Variants in PKHD1 observed in about 807,000 individuals in gnomAD.
PKHD1 encodes the protein fibrocystin.
Under a neutral mutation model 412.0 loss-of-function variants are expected in PKHD1, and 291 were observed. The ratio of observed to expected loss-of-function variants is 0.71; its 90% CI spans 0.64 to 0.78. The LOEUF (loss-of-function observed/expected upper bound fraction) is 0.78, where lower values mean the gene tolerates loss of function less well. Ranked by LOEUF, PKHD1 falls within the 30% of genes least tolerant of loss-of-function variation. The pLI is 0.00. For synonymous variants in PKHD1, 1,777 were observed against 1,821.5 expected (o/e 0.98, Z 0.62); for missense variants, 4,825 against 4,950.7 (o/e 0.97, Z 0.76).
intron 60 of PKHD1, among the ~76,000 whole-genome samples, chr6:51,673,952 A>G (rs1008163792): frequency 6.6e-6 from 1 of 152,316 alleles, no homozygotes; most frequent in South Asian, 2.1e-4. Flanking sequence ...GGAACGGAGT[A>G]AAAGGTTGGG....
Position 51,748,054 on chromosome 6 carries a change from C to G in PKHD1, c.9562G>C (p.Ala3188Pro), listed in dbSNP as rs77496823. The change falls in exon 58 of 67, where the codon GCT (alanine) becomes CCT (proline). Residue 3188 changes from alanine to proline, a missense_variant. Physicochemically the swap from Ala to Pro is conservative, Grantham distance 27 (BLOSUM62 -1). Coordinates refer to ENST00000371117, the MANE Select transcript of PKHD1 (RefSeq NM_138694.4). ...ACTTTTTTGACGGAATTTTGTGGAG[C>G]AGAAAATACATACACTACTGCCAAA... Reference protein sequence around the residue: ...GLLAVVYVFSAPQNSVKKVQI... With the variant: ...GLLAVVYVFSPPQNSVKKVQI... 1.2e-6 allele frequency: 2 copies of G among 1,614,014 alleles called. No individual in the cohort carries two copies. The highest frequency in any genetic ancestry group is 1.7e-5 in the Admixed American group (1 of 59,974).
chr6:51,903,487 A>T, intron 43 of PKHD1, 110 bp downstream of exon 43: 1 of 885,396 alleles, frequency 1.1e-6, no homozygotes, highest in Admixed American at 1.7e-5. Context: ...TCCAATGGCA[A>T]TTATTCTTCC....
Position 52,025,965 on chromosome 6 carries a change from G to T in PKHD1, c.3845C>A (p.Pro1282His). ...WAGNRFFARGPSPSLVGKGFT... is the reference protein window; with the variant it reads ...WAGNRFFARGHSPSLVGKGFT... ...GCCTTTCCCCACCAAGCTTGGTGAA[G>T]GACCACGGGCGAAGAACCTGTTGCC... Residue 1282 changes from proline (P) to histidine (H), a missense_variant, in exon 32 of 67, where the codon CCT becomes CAT. Physicochemically the swap from Pro to His is moderately conservative, Grantham distance 77. Coordinates refer to ENST00000371117, the MANE Select transcript of PKHD1 (RefSeq NM_138694.4). 6.2e-7 allele frequency: 1 copy of T among 1,614,144 alleles called. No individual in the cohort carries two copies. Among genetic ancestry groups the T allele is most frequent in the South Asian group, 1.1e-5 (1 of 91,082 alleles).
chr6:51,818,417 A>G (rs139282576), intron 52 of PKHD1, among the ~76,000 whole-genome samples: 1 of 151,444 alleles, frequency 6.6e-6, no homozygotes, highest in African/African-American at 2.4e-5. Flanking sequence ...TTCCTCCCAC[A>G]TGTTTAAATA....
At chr6:52,072,823 G>T (rs992794792) in intron 7 of PKHD1, among the ~76,000 whole-genome samples, 4 of 152,120 alleles carry the variant, frequency 2.6e-5, no homozygotes, top group African/African-American at 4.8e-5. Flanking sequence ...CCTTATAAAT[G>T]CTCAGTACAA....
rs1010054201 is a variant in PKHD1, at chr6:51,870,531, T to C, written c.7459A>G (p.Thr2487Ala). 1.2e-6 allele frequency: 2 copies of C among 1,612,574 alleles called. No homozygotes were observed. The highest frequency in any genetic ancestry group is 1.7e-6 in the Non-Finnish European group (2 of 1,178,644). The part of the protein sequence containing the change: ...FDLINCVAIR[T>A]CSDCSQGQGG... ...TGTCCTTGGGAACAGTCTGAACAGG[T>C]TCTAATGGCCACACAGTTGATGAGA... The change falls in exon 47 of 67, where the codon ACC (threonine) becomes GCC (alanine). Residue 2487 changes from threonine (T) to alanine (A), a missense_variant. Physicochemically the swap from Thr to Ala is moderately conservative, Grantham distance 58. Coordinates refer to ENST00000371117, the MANE Select transcript of PKHD1 (RefSeq NM_138694.4).
chr6:51,647,776 T>C (rs557518112), intron 63 of PKHD1, among the ~76,000 whole-genome samples: 1 of 152,222 alleles, frequency 6.6e-6, no homozygotes, highest in East Asian at 1.9e-4. Flanking sequence ...ACCTTAAGGA[T>C]ACGGATAAGT....
At chr6:51,963,111 G>C (rs912390468) in intron 35 of PKHD1, among the ~76,000 whole-genome samples, 1 of 151,996 alleles carries the variant, frequency 6.6e-6, no homozygotes, top group Admixed American at 6.6e-5. Flanking sequence ...TGAAGATACA[G>C]GTGCTAAGAC....
At chr6:52,000,949 A>G (rs1415168294) in intron 35 of PKHD1, among the ~76,000 whole-genome samples, 2 of 152,152 alleles carry the variant, frequency 1.3e-5, no homozygotes, top group African/African-American at 2.4e-5. Context: ...ATTCAGGCTA[A>G]TTTCCTGAAT....
intron 52 of PKHD1, among the ~76,000 whole-genome samples, chr6:51,816,215 A>G (rs1390392908): frequency 6.6e-6 from 1 of 152,256 alleles, no homozygotes; most frequent in Admixed American, 6.5e-5. Context: ...TTCAAGGAAT[A>G]GAATAAAAAT....
intron 51 of PKHD1, among the ~76,000 whole-genome samples, chr6:51,833,315 G>A (rs930295169): frequency 6.6e-6 from 1 of 152,068 alleles, no homozygotes; most frequent in Non-Finnish European, 1.5e-5. Context: ...GGACAAATTA[G>A]GCCTTAAGGT....
At chr6:51,734,031 G>A (rs1315886842) in intron 60 of PKHD1, among the ~76,000 whole-genome samples, 2 of 152,166 alleles carry the variant, frequency 1.3e-5, no homozygotes, top group Non-Finnish European at 2.9e-5. Context: ...TATTCCTGTA[G>A]ACTAATAGAT....
intron 43 of PKHD1, among the ~76,000 whole-genome samples, chr6:51,897,693 G>A (rs373106225): frequency 8.2e-5 from 12 of 145,824 alleles, no homozygotes; most frequent in Non-Finnish European, 1.3e-4. Flanking sequence ...TGGACTAAAT[G>A]CTCCAATTAA....
intron 36 of PKHD1, among the ~76,000 whole-genome samples, chr6:51,943,933 C>A (rs559765246): frequency 1.4e-4 from 21 of 151,486 alleles, no homozygotes; most frequent in African/African-American, 5.1e-4. Context: ...CATCCCAACA[C>A]TTCAATACTG....
chr6:51,779,724 A>G (rs1002847687), intron 53 of PKHD1, among the ~76,000 whole-genome samples: 5 of 152,118 alleles, frequency 3.3e-5, no homozygotes, highest in African/African-American at 1.2e-4. Flanking sequence ...TGCAAAAATC[A>G]ACAGAACTAC....
chr6:51,883,155 A>G lies in PKHD1; in HGVS notation c.7288T>C (p.Leu2430=), dbSNP rs1047883473. The change falls in exon 46 of 67, where the codon TTG becomes CTG. Residue 2430 remains leucine (L), a synonymous_variant. Transcript: ENST00000371117. ...YSCRDFGIDV[L]ESDANTSVTD... The stretch of plus-strand genomic sequence containing the variant: ...ACTGAAGTATTTGCATCACTTTCCA[A>G]GACGTCAATTCCAAAATCTCTGCAT... 1 of 1,612,020 alleles carries G rather than the reference A, an allele frequency of 6.2e-7. No homozygotes were observed. The highest frequency in any genetic ancestry group is 1.3e-5 in the African/African-American group (1 of 74,908).
At chr6:52,045,162 G>C in intron 24 of PKHD1, 74 bp from the exon 25 acceptor site, 1 of 1,431,162 alleles carries the variant, frequency 7.0e-7, no homozygotes, top group Non-Finnish European at 9.8e-7. Context: ...ATAATAAAGA[G>C]TTTTTTCACA....
In PKHD1 at chr6:52,025,829, T is replaced by G; in HGVS notation, c.3981A>C (p.Ser1327=). The change falls in exon 32 of 67, where the codon TCA becomes TCC. Residue 1327 remains serine, a synonymous_variant. Coordinates refer to ENST00000371117, the MANE Select transcript of PKHD1 (RefSeq NM_138694.4). ...LHVGGSNLSN[S]VILLGNLNCD... is the part of the protein sequence containing the mutation. ...AGTTCAGGTTCCCCAGAAGGATGAC[T>G]GAGTTGGAGAGGTTACTTCCTCCCA... 6.2e-7 allele frequency: 1 copy of G among 1,614,176 alleles called. No individual in the cohort carries two copies. Among genetic ancestry groups the G allele is most frequent in the Non-Finnish European group, 8.5e-7 (1 of 1,180,028 alleles).
intron 23 of PKHD1, among the ~76,000 whole-genome samples, chr6:52,047,255 G>A (rs557338533): frequency 1.2e-4 from 18 of 152,094 alleles, no homozygotes; most frequent in Admixed American, 7.9e-4. Context: ...GGCAGGGCAC[G>A]ATTGATGTTT....
Sources: gnomAD v4.1 joint callset for allele counts (sites outside exome capture counted in the v4.1 genomes callset) on GRCh38, gnomAD v4.1.1 for gene constraint, MANE v1.5 for transcripts, NCBI Gene and HGNC (gene_info 2026-07-23, HGNC 2026-07-21) for gene names.